MARCHF2: variants seen among roughly 807,000 people sequenced by gnomAD.
MARCHF2 encodes membrane associated ring-CH-type finger 2.
In MARCHF2, 22 loss-of-function variants were observed where a neutral mutation model predicts 24.0. The ratio of observed to expected loss-of-function variants is 0.92; its 90% CI spans 0.66 to 1.31. The LOEUF (loss-of-function observed/expected upper bound fraction) is 1.31, where lower values mean the gene tolerates loss of function less well. Among genes scored for constraint, MARCHF2 ranks in the 50% most tolerant of loss-of-function variants. The pLI is 0.00. For missense variants in MARCHF2, 301 were observed against 335.3 expected (o/e 0.90, Z 0.80); for synonymous variants, 154 against 153.0 (o/e 1.01, Z -0.05).
At chr19:8,424,729 A>T (rs1019356913) in intron 2 of MARCHF2, among the ~76,000 whole-genome samples, 1 of 152,016 alleles carries the variant, frequency 6.6e-6, no homozygotes, top group Non-Finnish European at 1.5e-5. Flanking sequence ...CTGTGCTGGC[A>T]TCATTCACAG....
At chr19:8,423,324 T>C (rs1022659671) in intron 2 of MARCHF2, 1 of 151,846 alleles carries the variant, frequency 6.6e-6, no homozygotes, top group Non-Finnish European at 1.5e-5. Context: ...CCTCCCAAAG[T>C]GTTGGGATTA....
chr19:8,416,290 T>A (rs1347269493), intron 1 of MARCHF2, among the ~76,000 whole-genome samples: 1 of 141,844 alleles, frequency 7.1e-6, no homozygotes, highest in Non-Finnish European at 1.5e-5. Context: ...TGCAGTGAGC[T>A]GAGATCGGCC....
chr19:8,433,688 AAAAAAGAAAAG>A (rs1967638852), intron 4 of MARCHF2, among the ~76,000 whole-genome samples: 1 of 151,370 alleles, frequency 6.6e-6, no homozygotes, highest in African/African-American at 2.4e-5. Flanking sequence ...AAAAAAAAAA[AAAAAAGAAAAG>A]AAAAGAAAAG....
rs1331723056 is a variant in MARCHF2 at position 8,428,922 on chromosome 19, C to T, written c.373-1736C>T. Among the ~76,000 whole-genome samples, 4 of 151,376 alleles carry T rather than the reference C, an allele frequency of 2.6e-5. No homozygotes were observed. In the East Asian group the frequency reaches 5.9e-4, roughly 22 times the overall value. ...AGCACTCCAGCCTGGGCAACAAGAG[C>T]GAAACTCCGTCTCAAAAAACAAAAA... On this transcript the variant is annotated intron_variant, in intron 3 of 4. Transcript: ENST00000215555.
chr19:8,430,738 G>A lies in MARCHF2; in HGVS notation c.453G>A (p.Leu151=). 3 of 1,611,502 alleles carry A rather than the reference G, an allele frequency of 1.9e-6. No homozygotes were observed. Among genetic ancestry groups the A allele is most frequent in the Non-Finnish European group, 2.5e-6 (3 of 1,179,992 alleles). The change falls in exon 4 of 5, where the codon CTG becomes CTA. Residue 151 remains leucine, a synonymous_variant. Coordinates refer to ENST00000215555, the MANE Select transcript of MARCHF2 (RefSeq NM_001005415.2). The surrounding 1 kb of genome is among the most constrained non-coding windows in gnomAD (Gnocchi z 4.4). Reference sequence around the variant, plus strand: ...TGTGTTTCCTGTTCATCACACCGCTGGCCGCCATCTCAGGCTGGTTGTGCC... The same window carrying A: ...TGTGTTTCCTGTTCATCACACCGCTAGCCGCCATCTCAGGCTGGTTGTGCC... The part of the protein sequence containing the change: ...DMVCFLFITP[L]AAISGWLCLR...
At position 8,413,353 on chromosome 19, in the gene MARCHF2, C is replaced by G. The variant is rs963854948; in HGVS notation, c.-120C>G. ...GAGCTAGTGGCGCCGACGGGCCGGGCCGGGCCGGGACCGGGGCCGAGGCGA... is the reference window on the plus strand; with the variant it reads ...GAGCTAGTGGCGCCGACGGGCCGGGGCGGGCCGGGACCGGGGCCGAGGCGA... On this transcript the variant is annotated 5_prime_UTR_variant, in exon 1 of 5. Coordinates refer to ENST00000215555, the MANE Select transcript of MARCHF2 (RefSeq NM_001005415.2). 3.3e-5 allele frequency: 5 copies of G among 151,750 alleles called. No homozygotes were observed. The highest frequency in any genetic ancestry group is 9.7e-5 in the African/African-American group (4 of 41,374). 9.4% of individuals were successfully genotyped at this position (151,750 alleles called of 1,614,324 possible).
At chr19:8,437,217 T>C (rs112363339) in intron 4 of MARCHF2, among the ~76,000 whole-genome samples, 9,226 of 152,044 alleles carry the variant, frequency 0.061, 615 homozygotes, top group African/African-American at 0.16. Context: ...TGAGCTCAAG[T>C]GGTCCCCACG....
chr19:8,435,135 C>CAT (rs1182983040), intron 4 of MARCHF2, among the ~76,000 whole-genome samples: 4 of 150,976 alleles, frequency 2.6e-5, no homozygotes, highest in Non-Finnish European at 5.9e-5. Flanking sequence ...TATCCTGCCT[C>CAT]AGCCTCCCGA....
At chr19:8,424,261 T>A (rs1322664644) in intron 2 of MARCHF2, among the ~76,000 whole-genome samples, 1 of 152,022 alleles carries the variant, frequency 6.6e-6, no homozygotes, top group African/African-American at 2.4e-5. Flanking sequence ...TATTTCCCCC[T>A]CACAAGGGCA....
At chr19:8,420,897 G>A (rs965875417) in intron 1 of MARCHF2, among the ~76,000 whole-genome samples, 1 of 151,764 alleles carries the variant, frequency 6.6e-6, no homozygotes, top group Non-Finnish European at 1.5e-5. Flanking sequence ...TGAGGCAATC[G>A]GAGGCAGGCG....
intron 1 of MARCHF2, among the ~76,000 whole-genome samples, chr19:8,415,783 TCTC>T (rs1967073271): frequency 1.6e-5 from 2 of 128,024 alleles, no homozygotes; most frequent in African/African-American, 5.9e-5. Context: ...GAGAAATAAA[TCTC>T]CTGGGCACTG....
rs1967793762 is a variant in MARCHF2, at chr19:8,438,531, G to C, written c.726G>C (p.Glu242Asp). The C allele has an allele frequency of 6.2e-7, 1 of 1,613,982 alleles. No homozygotes were observed. The highest frequency in any genetic ancestry group is 1.3e-5 in the African/African-American group (1 of 74,924). The change falls in exon 5 of 5, where the codon GAG becomes GAC. Residue 242 changes from glutamate (E) to aspartate (D), a missense_variant. Glu to Asp is a conservative substitution (Grantham distance 45). Coordinates refer to ENST00000215555, the MANE Select transcript of MARCHF2 (RefSeq NM_001005415.2). The part of the protein sequence containing the change: ...LAAGLLKKVA[E>D]ETPV ...CTGGACTCCTGAAGAAGGTGGCAGA[G>C]GAGACACCAGTATGAATGCTGGGCT...
rs2145556001 is a variant in MARCHF2, at chr19:8,426,780, G to A, written c.348G>A (p.Glu116=). 1 of 1,612,280 alleles carries A rather than the reference G, an allele frequency of 6.2e-7. No individual in the cohort carries two copies. Among genetic ancestry groups the A allele is most frequent in the Middle Eastern group, 2.2e-4 (1 of 4,546 alleles). ...CELCHTEFAV[E]KRPRPLTEWL... is the part of the protein sequence containing the mutation. ...TGTGCCACACGGAGTTTGCAGTGGAGAAACGGCCTCGACCCCTCACAGAGG... is the reference window on the plus strand; with the variant it reads ...TGTGCCACACGGAGTTTGCAGTGGAAAAACGGCCTCGACCCCTCACAGAGG... Residue 116 remains glutamate (E), a synonymous_variant, in exon 3 of 5, where the codon GAG becomes GAA. Coordinates refer to ENST00000215555, the MANE Select transcript of MARCHF2 (RefSeq NM_001005415.2).
chr19:8,438,855 T>C lies in MARCHF2; in HGVS notation c.*309T>C. 3.9e-6 allele frequency: 1 copy of C among 258,674 alleles called. No individual in the cohort carries two copies. Among genetic ancestry groups the C allele is most frequent in the East Asian group, 6.8e-5 (1 of 14,658 alleles). 16.0% of individuals were successfully genotyped at this position (258,674 alleles called of 1,614,324 possible). ...CTTCTGGGCCAGCAGCTGTGGCCGG[T>C]GTATCAAGGGCGCCCTTAAAGCTGG... is the stretch of plus-strand genomic sequence containing the variant. On this transcript the variant is annotated 3_prime_UTR_variant, in exon 5 of 5. Transcript: ENST00000215555.
chr19:8,418,972 G>A (rs1411228927), intron 1 of MARCHF2, among the ~76,000 whole-genome samples: 1 of 151,988 alleles, frequency 6.6e-6, no homozygotes, highest in African/African-American at 2.4e-5. Flanking sequence ...GTAGCTCTTG[G>A]GGGTTGGACA....
chr19:8,438,289 GC>G, intron 4 of MARCHF2, 98 bp from the exon 5 acceptor site: 3 of 1,234,476 alleles, frequency 2.4e-6, no homozygotes, highest in Admixed American at 1.8e-5. Flanking sequence ...GGAAGCATGA[GC>G]CCCAGCCATG....
chr19:8,423,169 C>T (rs1028313647), intron 2 of MARCHF2, among the ~76,000 whole-genome samples: 2 of 151,000 alleles, frequency 1.3e-5, no homozygotes, highest in Non-Finnish European at 1.5e-5. Context: ...AAGCGATTCT[C>T]CTGCCTCAGC....
rs1443101037 is a variant in MARCHF2, at chr19:8,430,843, C to T, written c.558C>T (p.Phe186=). ...TCATTGCCCTCACCATCGCCCTCTT[C>T]ACCATCTATGTCCTCTGGACGCTGG... ...VGLIALTIAL[F]TIYVLWTLVS... Residue 186 remains phenylalanine, a synonymous_variant, in exon 4 of 5, where the codon TTC becomes TTT. Transcript: ENST00000215555. This position sits in a 1 kb window ranked among gnomAD's most constrained non-coding sequence, Gnocchi z 4.4. 1.2e-6 allele frequency: 2 copies of T among 1,609,090 alleles called. No homozygotes were observed. The highest frequency in any genetic ancestry group is 1.7e-4 in the Middle Eastern group (1 of 5,820).
At chr19:8,420,052 G>A (rs952216617) in intron 1 of MARCHF2, among the ~76,000 whole-genome samples, 3 of 150,356 alleles carry the variant, frequency 2.0e-5, no homozygotes, top group Non-Finnish European at 3.0e-5. Context: ...CAGCTACTCA[G>A]GAGGCTGAGG....
Sources: allele counts gnomAD v4.1 joint callset (sites outside exome capture counted in the v4.1 genomes callset), GRCh38; gene constraint gnomAD v4.1.1; non-coding constraint Gnocchi (gnomAD v3.1); transcripts MANE v1.5; gene names NCBI Gene and HGNC (gene_info 2026-07-23, HGNC 2026-07-21).